The following ZFC3H1 variants were observed in gnomAD, a reference collection of about 807,000 sequenced individuals.
The protein encoded by ZFC3H1 is zinc finger C3H1-type containing, also known as zinc finger C3H1 domain-containing protein.
Under a neutral mutation model 243.7 loss-of-function variants are expected in ZFC3H1, and 71 were observed. The observed-to-expected ratio is 0.29, with a 90% CI of 0.24 to 0.36. The LOEUF (loss-of-function observed/expected upper bound fraction) is 0.36. Ranked by LOEUF, ZFC3H1 falls within the 10% of genes least tolerant of loss-of-function variation. The pLI is 1.00. For missense variants in ZFC3H1, 1,966 were observed against 2,317.1 expected (o/e 0.85, Z 3.11); for synonymous variants, 838 against 813.0 (o/e 1.03, Z -0.52).
At position 71,634,827 on chromosome 12, in the gene ZFC3H1, TAA is replaced by T. The variant is rs34399921; in HGVS notation, c.2239-4_2239-3del. 5,265 of 1,381,784 alleles carry T rather than the reference TAA, an allele frequency of 3.8e-3. No individual in the cohort carries two copies. Among genetic ancestry groups the T allele is most frequent in the Admixed American group, 8.8e-3 (359 of 40,648 alleles). The allele number at this position is 1,381,784 out of a possible 1,614,324, so 85.6% of individuals were successfully genotyped here. The stretch of plus-strand genomic sequence containing the variant: ...AGGTACTTTCGGTTTTGAAGCTTGC[TAA>T]AAAAAAAAAAACATTTGAAGTCAAC... On this transcript the variant is annotated splice_polypyrimidine_tract_variant and splice_region_variant and intron_variant, in intron 10 of 34. Coordinates refer to ENST00000378743, the MANE Select transcript of ZFC3H1 (RefSeq NM_144982.5).
chr12:71,630,661 A>G lies in ZFC3H1; in HGVS notation c.3663T>C (p.Tyr1221=), dbSNP rs1880299992. The change falls in exon 18 of 35, where the codon TAT becomes TAC. Residue 1221 remains tyrosine, a synonymous_variant. Transcript: ENST00000378743. The part of the protein sequence containing the change: ...RKQLFQDILS[Y]NLSLIGCAET... Reference sequence around the variant, plus strand: ...CTGCACAACCAATCAAAGACAGATTATATGACAGAATGTCCTGGAATAACT... The same window carrying G: ...CTGCACAACCAATCAAAGACAGATTGTATGACAGAATGTCCTGGAATAACT... 1 of 1,613,630 alleles carries G rather than the reference A, an allele frequency of 6.2e-7. No individual in the cohort carries two copies. The highest frequency in any genetic ancestry group is 8.5e-7 in the Non-Finnish European group (1 of 1,179,836).
chr12:71,638,470 C>T lies in ZFC3H1; in HGVS notation c.1673G>A (p.Gly558Glu), dbSNP rs1341824447. 6.2e-7 allele frequency: 1 copy of T among 1,612,176 alleles called. No individual in the cohort carries two copies. Among genetic ancestry groups the T allele is most frequent in the African/African-American group, 1.3e-5 (1 of 74,728 alleles). The stretch of plus-strand genomic sequence containing the variant: ...AAGAGATGGTGCTGGAGAAAAATAC[C>T]CCAATGAACATTCAGAGAAAAATGG... ...QPPFFSECSL[G>E]YFSPAPSLSL... The change falls in exon 7 of 35, where the codon GGG becomes GAG. Residue 558 changes from glycine to glutamate, a missense_variant. By Grantham distance (98) the Gly-to-Glu change is moderately conservative. This residue lies in a region of ZFC3H1 where 1,383 missense variants were observed against 1,723.7 expected (regional missense o/e 0.80). Coordinates refer to ENST00000378743, the MANE Select transcript of ZFC3H1 (RefSeq NM_144982.5).
intron 2 of ZFC3H1, among the ~76,000 whole-genome samples, chr12:71,653,204 T>C (rs1462695560): frequency 6.6e-6 from 1 of 152,118 alleles, no homozygotes; most frequent in Non-Finnish European, 1.5e-5. Context: ...CAAAGTGATT[T>C]GAAAACAAAA....
intron 13 of ZFC3H1, 77 bp downstream of exon 13, chr12:71,633,187 A>ATATTTT: frequency 1.4e-6 from 2 of 1,449,756 alleles, no homozygotes; most frequent in Non-Finnish European, 1.8e-6. Flanking sequence ...TTTAGTATAC[A>ATATTTT]GTGGTTTGTC....
chr12:71,634,232 C>T lies in ZFC3H1; in HGVS notation c.2433G>A (p.Val811=), dbSNP rs1880401844. 1.9e-6 allele frequency: 3 copies of T among 1,614,046 alleles called. No individual in the cohort carries two copies. The highest frequency in any genetic ancestry group is 2.5e-6 in the Non-Finnish European group (3 of 1,179,980). Reference sequence around the variant, plus strand: ...CTATCCTGCCAATACCATCAATTTCCACATCAGAGTTTGCTGGGGATGATG... The same window carrying T: ...CTATCCTGCCAATACCATCAATTTCTACATCAGAGTTTGCTGGGGATGATG... ...TSSSSPANSD[V]EIDGIGRIAM... is the part of the protein sequence containing the mutation. Residue 811 remains valine (V), a synonymous_variant, in exon 12 of 35, where the codon GTG becomes GTA. Transcript: ENST00000378743.
chr12:71,659,325 C>T (rs553329228), intron 1 of ZFC3H1, among the ~76,000 whole-genome samples: 1 of 152,180 alleles, frequency 6.6e-6, no homozygotes, highest in East Asian at 1.9e-4. Flanking sequence ...GTCCAAAATC[C>T]TGAGAATAAA....
intron 27 of ZFC3H1, 76 bp downstream of exon 27, chr12:71,619,239 A>T (rs1592584653): frequency 1.5e-6 from 2 of 1,345,310 alleles, no homozygotes; most frequent in East Asian, 2.4e-5. Context: ...GTCATCATAT[A>T]AGAAAAAAAC....
At chr12:71,661,066 G>A (rs1881159508) in intron 1 of ZFC3H1, among the ~76,000 whole-genome samples, 1 of 152,042 alleles carries the variant, frequency 6.6e-6, no homozygotes. Context: ...CACTTTGGGA[G>A]GCCGAGGTGG....
intron 24 of ZFC3H1, among the ~76,000 whole-genome samples, chr12:71,620,667 C>A (rs1050758695): frequency 4.6e-5 from 7 of 152,086 alleles, no homozygotes; most frequent in African/African-American, 1.7e-4. Context: ...AATAAATTAT[C>A]TTTTCATCTT....
In ZFC3H1 at chr12:71,620,192, T is replaced by C. The variant is rs746511243; in HGVS notation, c.4850+18A>G. ...CACTTTTTAATATAAGGTTAGCTGC[T>C]TGGCAATTAAGTTGTACCTCTCCAG... On this transcript the variant is annotated intron_variant, in intron 25 of 34. Transcript: ENST00000378743. The C allele has an allele frequency of 9.3e-6, 15 of 1,613,926 alleles. No homozygotes were observed. Among genetic ancestry groups the C allele is most frequent in the African/African-American group, 2.7e-5 (2 of 74,922 alleles).
chr12:71,610,614 C>A, intron 34 of ZFC3H1, 49 bp from the exon 35 acceptor site: 2 of 1,612,216 alleles, frequency 1.2e-6, no homozygotes, highest in Non-Finnish European at 1.7e-6. Context: ...AGAGTTTGAG[C>A]ATTACCACAT....
rs1238837589 is a variant in ZFC3H1 at position 71,620,286 on chromosome 12, G to A, written c.4774C>T (p.Leu1592Phe). Residue 1592 changes from leucine to phenylalanine, a missense_variant, in exon 25 of 35, where the codon CTT (leucine) becomes TTT (phenylalanine). Physicochemically the swap from Leu to Phe is conservative, Grantham distance 22. This residue lies in a region of ZFC3H1 where 1,383 missense variants were observed against 1,723.7 expected (regional missense o/e 0.80). Coordinates refer to ENST00000378743, the MANE Select transcript of ZFC3H1 (RefSeq NM_144982.5). Reference sequence around the variant, plus strand: ...GCCTCTATTCTTTCCTCAACAGCAAGGCTCTCATCTGTGCAAGCTTTCACT... The same window carrying A: ...GCCTCTATTCTTTCCTCAACAGCAAAGCTCTCATCTGTGCAAGCTTTCACT... The part of the protein sequence containing the change: ...DAVKACTDES[L>F]AVEERIEACL... 3 of 1,614,040 alleles carry A rather than the reference G, an allele frequency of 1.9e-6. No individual in the cohort carries two copies. The African/African-American group carries it at 4.0e-5, about 22-fold the overall frequency.
At chr12:71,611,178 C>T (rs1879760093) in intron 32 of ZFC3H1, 81 bp from the exon 33 acceptor site, 2 of 1,371,664 alleles carry the variant, frequency 1.5e-6, no homozygotes, top group Non-Finnish European at 9.7e-7. Flanking sequence ...GAAACACCAC[C>T]ACTGGCAGAA....
At chr12:71,647,109 TA>T (rs1309979350) in intron 3 of ZFC3H1, among the ~76,000 whole-genome samples, 1 of 152,144 alleles carries the variant, frequency 6.6e-6, no homozygotes, top group South Asian at 2.1e-4. Flanking sequence ...CTAGACTATT[TA>T]AATCATTTCA....
intron 32 of ZFC3H1, chr12:71,611,319 G>T: frequency 4.2e-4 from 98 of 234,034 alleles, no homozygotes; most frequent in East Asian, 9.5e-4. Flanking sequence ...GCAGACCAGT[G>T]TTTTGAACAT....
At chr12:71,639,886 A>G (rs1256551798) in intron 6 of ZFC3H1, among the ~76,000 whole-genome samples, 1 of 152,184 alleles carries the variant, frequency 6.6e-6, no homozygotes, top group Non-Finnish European at 1.5e-5. Flanking sequence ...AATAGTATTA[A>G]CAGCAGCCAC....
chr12:71,619,052 G>A (rs1223341970), intron 27 of ZFC3H1, among the ~76,000 whole-genome samples: 1 of 152,076 alleles, frequency 6.6e-6, no homozygotes, highest in East Asian at 1.9e-4. Flanking sequence ...CAACAATAAC[G>A]ATAAAGTAAA....
intron 28 of ZFC3H1, 86 bp from the exon 29 acceptor site, chr12:71,615,024 G>T: frequency 1.6e-6 from 2 of 1,263,128 alleles, no homozygotes; most frequent in Non-Finnish European, 1.1e-6. Flanking sequence ...CATTACAGAT[G>T]TTATTACAAT....
Position 71,636,912 on chromosome 12 carries a change from C to G in ZFC3H1, c.1873G>C (p.Glu625Gln). The stretch of plus-strand genomic sequence containing the variant: ...AGTAGTTCTTCTCGAAGCAGCATTT[C>G]TTCCTCCTCTTCCTCATCTGCAAAA... ...PPFADEEEEE[E>Q]MLLREELLKS... Residue 625 changes from glutamate (E) to glutamine (Q), a missense_variant, in exon 8 of 35, where the codon GAA becomes CAA. Glu to Gln is a conservative substitution (Grantham distance 29). Transcript: ENST00000378743. The G allele has an allele frequency of 6.2e-7, 1 of 1,614,038 alleles. No homozygotes were observed.
Sources: gnomAD v4.1 joint callset for allele counts (sites outside exome capture counted in the v4.1 genomes callset) on GRCh38, gnomAD v4.1.1 for gene constraint, gnomAD v4.1.1 regional missense constraint, MANE v1.5 for transcripts, NCBI Gene and HGNC (gene_info 2026-07-23, HGNC 2026-07-21) for gene names.